ZNF841: variants seen among roughly 807,000 people sequenced by gnomAD.
ZNF841 encodes zinc finger protein 841.
In ZNF841, 11 loss-of-function variants were observed where a neutral mutation model predicts 13.0. The ratio of observed to expected loss-of-function variants is 0.85; its 90% CI spans 0.53 to 1.40. The LOEUF is 1.40. Among genes scored for constraint, ZNF841 ranks in the 40% most tolerant of loss-of-function variants. The probability of loss-of-function intolerance (pLI) is 0.00; values close to 1 mark genes in which losing one functional copy is unlikely to be tolerated. For missense variants in ZNF841, 1,068 were observed against 1,139.5 expected (o/e 0.94, Z 0.90); for synonymous variants, 369 against 381.6 (o/e 0.97, Z 0.38).
At chr19:52,092,043 G>A (rs2088513077) in intron 2 of ZNF841, among the ~76,000 whole-genome samples, 1 of 151,774 alleles carries the variant, frequency 6.6e-6, no homozygotes, top group Non-Finnish European at 1.5e-5. Context: ...TACGGGGGCT[G>A]AGGCAGGAGA....
intron 6 of ZNF841, among the ~76,000 whole-genome samples, chr19:52,072,039 T>A (rs1251747978): frequency 6.6e-6 from 1 of 152,148 alleles, no homozygotes; most frequent in Non-Finnish European, 1.5e-5. Context: ...CCGAAAGACA[T>A]CAGAGGTGGC....
intron 3 of ZNF841, among the ~76,000 whole-genome samples, chr19:52,086,067 A>G (rs2088263699): frequency 6.6e-6 from 1 of 152,152 alleles, no homozygotes; most frequent in African/African-American, 2.4e-5. Context: ...TTTGGTGGAG[A>G]TACCTGTTAG....
chr19:52,081,793 A>G (rs1568544851), intron 4 of ZNF841, among the ~76,000 whole-genome samples: 1 of 152,134 alleles, frequency 6.6e-6, no homozygotes, highest in Non-Finnish European at 1.5e-5. Flanking sequence ...GGCAGAGGAT[A>G]CAGTGATCCA....
At position 52,074,133 on chromosome 19, in the gene ZNF841, G is replaced by A. The variant is rs183395420; in HGVS notation, c.271+1911C>T. Among the ~76,000 whole-genome samples, 226 of 151,782 alleles carry A rather than the reference G, an allele frequency of 1.5e-3. 3 individuals are homozygous for A. The highest frequency in any genetic ancestry group is 3.4e-4 in the Non-Finnish European group (23 of 67,972). ...AGTTTCTGTAAGTTTTAGGGAAACT[G>A]CTGCTGAGCTATACCATCTGTACTA... On this transcript the variant is annotated intron_variant, in intron 6 of 6. Transcript: ENST00000594440.
chr19:52,082,190 A>G (rs2088122729), intron 4 of ZNF841, among the ~76,000 whole-genome samples: 1 of 152,208 alleles, frequency 6.6e-6, no homozygotes, highest in Admixed American at 6.5e-5. Flanking sequence ...GACAAACTCA[A>G]TTCTTATAGG....
At chr19:52,077,234 G>T in intron 4 of ZNF841, 150 bp from the exon 5 acceptor site, 1 of 905,912 alleles carries the variant, frequency 1.1e-6, no homozygotes, top group Non-Finnish European at 1.5e-6. Context: ...ACGTCTCCCT[G>T]ATTTTGGGTT....
Position 52,067,281 on chromosome 19 carries a change from C to T in ZNF841, c.601G>A (p.Ala201Thr), listed in dbSNP as rs893065858. The change falls in exon 7 of 7, where the codon GCA becomes ACA. Residue 201 changes from alanine to threonine, a missense_variant. Coordinates refer to ENST00000594440, the MANE Select transcript of ZNF841 (RefSeq NM_001136499.2). ...GLGELQKFQTAEKIYGCNQIE... is the reference protein window; with the variant it reads ...GLGELQKFQTTEKIYGCNQIE... ...TGATTACATCCATAAATTTTCTCTG[C>T]AGTTTGAAATTTCTGCAATTCACCC... 2 of 1,551,676 alleles carry T rather than the reference C, an allele frequency of 1.3e-6. No individual in the cohort carries two copies. Among genetic ancestry groups the T allele is most frequent in the Non-Finnish European group, 1.7e-6 (2 of 1,146,986 alleles).
chr19:52,079,737 A>C (rs1008554930), intron 4 of ZNF841, among the ~76,000 whole-genome samples: 3 of 152,262 alleles, frequency 2.0e-5, no homozygotes, highest in African/African-American at 7.2e-5. Context: ...CATACCTGTA[A>C]TTCCAGCACT....
chr19:52,084,932 T>A (rs145742956), intron 3 of ZNF841, 54 bp from the exon 4 acceptor site: 12 of 1,013,026 alleles, frequency 1.2e-5, no homozygotes, highest in Admixed American at 2.6e-5. Context: ...TTCCTTTCTG[T>A]GCCACAACCA....
chr19:52,070,986 G>A (rs1200125413), intron 6 of ZNF841, among the ~76,000 whole-genome samples: 4 of 152,202 alleles, frequency 2.6e-5, no homozygotes, highest in Non-Finnish European at 5.9e-5. Context: ...GGAGTAATGA[G>A]CATGGAGCAG....
chr19:52,084,869 A>C lies in ZNF841; in HGVS notation c.-68T>G. On this transcript the variant is annotated 5_prime_UTR_variant, in exon 4 of 7. Transcript: ENST00000594440. Reference sequence around the variant, plus strand: ...CTCAGTCAATATAATTAATTCTTTAAAAGTCAAATCTGAAAGTCAAAAATA... The same window carrying C: ...CTCAGTCAATATAATTAATTCTTTACAAGTCAAATCTGAAAGTCAAAAATA... The C allele has an allele frequency of 6.5e-7, 1 of 1,529,462 alleles. No individual in the cohort carries two copies. The highest frequency in any genetic ancestry group is 8.8e-7 in the Non-Finnish European group (1 of 1,130,848). The allele number at this position is 1,529,462 out of a possible 1,614,324, so 94.7% of individuals were successfully genotyped here. A position where few individuals can be genotyped will look rare whatever the true frequency, so the allele number is the denominator to read the frequency against.
intron 1 of ZNF841, among the ~76,000 whole-genome samples, chr19:52,095,078 G>T (rs2088624791): frequency 6.6e-6 from 1 of 152,120 alleles, no homozygotes; most frequent in Admixed American, 6.6e-5. Flanking sequence ...GAAAGGGGAG[G>T]AATAGGATGC....
downstream of ZNF841, among the ~76,000 whole-genome samples, chr19:52,061,976 C>A (rs1475492561): frequency 6.6e-6 from 1 of 152,172 alleles, no homozygotes; most frequent in African/African-American, 2.4e-5. Flanking sequence ...GTCCCCCAAA[C>A]ACTCAGTGGG....
At chr19:52,063,984 T>C (rs947466990), downstream of ZNF841, among the ~76,000 whole-genome samples, 1 of 144,206 alleles carries the variant, frequency 6.9e-6, no homozygotes, top group Non-Finnish European at 1.5e-5. Context: ...TTGCCACATA[T>C]ACTACACTTC....
At chr19:52,075,878 G>C (rs2087882906) in intron 6 of ZNF841, among the ~76,000 whole-genome samples, 166 bp downstream of exon 6, 1 of 151,944 alleles carries the variant, frequency 6.6e-6, no homozygotes, top group Non-Finnish European at 1.5e-5. Flanking sequence ...GAGAGTGAAA[G>C]GTAAAGTTAT....
At chr19:52,077,223 T>C (rs1475974877) in intron 4 of ZNF841, 139 bp from the exon 5 acceptor site, 1 of 964,698 alleles carries the variant, frequency 1.0e-6, no homozygotes, top group Non-Finnish European at 1.4e-6. Flanking sequence ...GTGAGATAAT[T>C]ACGTCTCCCT....
chr19:52,077,991 G>A (rs760159987), intron 4 of ZNF841, among the ~76,000 whole-genome samples: 3 of 152,116 alleles, frequency 2.0e-5, no homozygotes, highest in South Asian at 2.1e-4. Context: ...ACTTGGAACC[G>A]CATAAAGGAT....
chr19:52,081,689 A>G (rs1208884289), intron 4 of ZNF841, among the ~76,000 whole-genome samples: 1 of 152,168 alleles, frequency 6.6e-6, no homozygotes, highest in East Asian at 1.9e-4. Context: ...TCCCATCTCT[A>G]CAAAGAGTAC....
chr19:52,066,181 T>G lies in ZNF841; in HGVS notation c.1701A>C (p.Lys567Asn). ...TGCCACATTTATTACAATGGAGAGG[T>G]TTCTCTCCAGTATGACATCTCATAT... ...SVHMRCHTGE[K>N]PLHCNKCGMV... The change falls in exon 7 of 7, where the codon AAA becomes AAC. Residue 567 changes from lysine (K) to asparagine (N), a missense_variant. Physicochemically the swap from Lys to Asn is moderately conservative, Grantham distance 94. Coordinates refer to ENST00000594440, the MANE Select transcript of ZNF841 (RefSeq NM_001136499.2). 1.2e-6 allele frequency: 2 copies of G among 1,613,318 alleles called. No individual in the cohort carries two copies. The highest frequency in any genetic ancestry group is 2.7e-5 in the African/African-American group (2 of 74,806).
Sources: gnomAD v4.1 joint callset for allele counts (sites outside exome capture counted in the v4.1 genomes callset) on GRCh38, gnomAD v4.1.1 for gene constraint, MANE v1.5 for transcripts, NCBI Gene and HGNC (gene_info 2026-07-23, HGNC 2026-07-21) for gene names.